ZNF438: variants seen among roughly 807,000 people sequenced by gnomAD.
ZNF438 encodes zinc finger protein 438.
ZNF438 carries 25 observed loss-of-function variants against 38.0 expected under a neutral mutation model. The observed-to-expected ratio is 0.66, with a 90% confidence interval of 0.48 to 0.92. ZNF438 has a LOEUF of 0.92. Ranked by LOEUF, ZNF438 falls within the 40% of genes least tolerant of loss-of-function variation. ZNF438 has a pLI of 0.00. For synonymous variants in ZNF438, 372 were observed against 364.1 expected, an observed-to-expected ratio of 1.02 and a Z score of -0.25; for missense variants, 1,007 against 999.6, an observed-to-expected ratio of 1.01 and a Z score of -0.10.
Position 30,845,293 on chromosome 10 carries a change from C to A in ZNF438, c.2155G>T (p.Glu719Ter). 1 of 1,614,098 alleles carries A rather than the reference C, an allele frequency of 6.2e-7. No homozygotes were observed. The highest frequency in any genetic ancestry group is 8.5e-7 in the Non-Finnish European group (1 of 1,180,008). Residue 719 changes from glutamate (E) to a stop codon, truncating the protein, a stop_gained, in exon 6 of 6, where the codon GAA becomes TAA. Coordinates refer to ENST00000413025, the Ensembl canonical transcript of ZNF438. LOFTEE classifies it low-confidence loss of function (END_TRUNC). ...TTCAGTCTTGGACATGCATGTGATT[C>A]CTCGGAGGAGGAATGAACCTTCTCC...
At chr10:30,995,557 A>C (rs2053959177) in intron 1 of ZNF438, among the ~76,000 whole-genome samples, 1 of 152,218 alleles carries the variant, frequency 6.6e-6, no homozygotes, top group African/African-American at 2.4e-5. Flanking sequence ...TGGAAGCCCC[A>C]AAAAACAAAG....
At chr10:30,955,900 C>T (rs1413102203) in intron 1 of ZNF438, among the ~76,000 whole-genome samples, 3 of 152,138 alleles carry the variant, frequency 2.0e-5, no homozygotes, top group African/African-American at 4.8e-5. Context: ...GAAACCTGAA[C>T]CTAGTGATTT....
chr10:30,925,237 C>T (rs2044777875), intron 2 of ZNF438, among the ~76,000 whole-genome samples: 1 of 151,540 alleles, frequency 6.6e-6, no homozygotes, highest in African/African-American at 2.4e-5. Context: ...ATCTCTGACA[C>T]AATATTGAAC....
chr10:30,973,316 T>C (rs2050955873), intron 1 of ZNF438, among the ~76,000 whole-genome samples: 2 of 152,214 alleles, frequency 1.3e-5, no homozygotes, highest in South Asian at 4.1e-4. Context: ...CTCAATCTTC[T>C]CTGCCTTACT....
At chr10:30,845,222 T>G in exon 6 of ZNF438, 1 of 1,614,128 alleles carries the variant, frequency 6.2e-7, no homozygotes, top group Non-Finnish European at 8.5e-7. Flanking sequence ...GTCCTTCATT[T>G]TCCATGAGCA....
At chr10:30,997,027 G>A (rs989764664) in intron 1 of ZNF438, among the ~76,000 whole-genome samples, 1 of 151,968 alleles carries the variant, frequency 6.6e-6, no homozygotes, top group African/African-American at 2.4e-5. Context: ...AAAATTTATT[G>A]GATACAGCTA....
At chr10:30,926,410 G>A (rs2044924030) in intron 2 of ZNF438, among the ~76,000 whole-genome samples, 1 of 152,196 alleles carries the variant, frequency 6.6e-6, no homozygotes. Flanking sequence ...GCTCACATCT[G>A]TAATCCCAGC....
intron 2 of ZNF438, among the ~76,000 whole-genome samples, chr10:30,913,412 C>T (rs1400684451): frequency 1.3e-5 from 2 of 151,962 alleles, no homozygotes; most frequent in African/African-American, 2.4e-5. Context: ...CCTTTCTTTT[C>T]TCTGTTTAAA....
chr10:30,946,988 T>C (rs2047487776), intron 1 of ZNF438, among the ~76,000 whole-genome samples: 1 of 152,224 alleles, frequency 6.6e-6, no homozygotes, highest in Admixed American at 6.5e-5. Flanking sequence ...TATAAAAACT[T>C]TGTAATAAAA....
chr10:30,866,752 T>G, intron 4 of ZNF438, among the ~76,000 whole-genome samples: 1 of 151,912 alleles, frequency 6.6e-6, no homozygotes, highest in African/African-American at 2.4e-5. Flanking sequence ...GAGAATGGCA[T>G]GAACCTGGGA....
chr10:30,870,816 A>G (rs2037288830), intron 4 of ZNF438, among the ~76,000 whole-genome samples: 1 of 152,194 alleles, frequency 6.6e-6, no homozygotes, highest in Admixed American at 6.5e-5. Context: ...TATAAACACT[A>G]CAAATAATGA....
intron 1 of ZNF438, among the ~76,000 whole-genome samples, chr10:31,003,305 C>T (rs536522054): frequency 6.6e-6 from 1 of 152,120 alleles, no homozygotes; most frequent in Non-Finnish European, 1.5e-5. Flanking sequence ...ACCCTGCCAC[C>T]CAGTACATGT....
chr10:30,870,796 C>A (rs2037285427), intron 4 of ZNF438, among the ~76,000 whole-genome samples: 1 of 152,128 alleles, frequency 6.6e-6, no homozygotes, highest in African/African-American at 2.4e-5. Context: ...TTCCTAATAG[C>A]CTTCTAGAAT....
chr10:30,922,789 T>G (rs1169246396), intron 2 of ZNF438, among the ~76,000 whole-genome samples: 7 of 151,500 alleles, frequency 4.6e-5, no homozygotes, highest in Admixed American at 2.6e-4. Flanking sequence ...GTGCCAAGAT[T>G]GTGCCACTGC....
At chr10:31,017,865 A>C (rs1377832979) in intron 1 of ZNF438, among the ~76,000 whole-genome samples, 1 of 152,220 alleles carries the variant, frequency 6.6e-6, no homozygotes, top group Non-Finnish European at 1.5e-5. Context: ...TGGTTCTGCC[A>C]TATCTCTTTT....
intron 2 of ZNF438, chr10:30,921,265 C>T (rs946987807): frequency 6.6e-6 from 1 of 152,104 alleles, no homozygotes; most frequent in African/African-American, 2.4e-5. Flanking sequence ...TACCTTTCAA[C>T]GTCAAGTAAA....
At chr10:31,003,746 G>A (rs1274784011) in intron 1 of ZNF438, among the ~76,000 whole-genome samples, 2 of 152,084 alleles carry the variant, frequency 1.3e-5, no homozygotes, top group African/African-American at 4.8e-5. Context: ...AGTCTTCCAA[G>A]TCATAGTCTA....
At chr10:30,878,948 C>T (rs927766071) in intron 3 of ZNF438, among the ~76,000 whole-genome samples, 3 of 152,226 alleles carry the variant, frequency 2.0e-5, no homozygotes, top group South Asian at 2.1e-4. Flanking sequence ...AACTGATCCC[C>T]GAGAGCCAGG....
chr10:30,900,225 G>T (rs925408408), intron 3 of ZNF438, among the ~76,000 whole-genome samples: 1 of 151,462 alleles, frequency 6.6e-6, no homozygotes, highest in Non-Finnish European at 1.5e-5. Context: ...ATCATCCTTT[G>T]TTTTTTTTCA....
Sources: allele counts gnomAD v4.1 joint callset (sites outside exome capture counted in the v4.1 genomes callset), GRCh38; gene constraint gnomAD v4.1.1; transcripts MANE v1.5; gene names NCBI Gene and HGNC (gene_info 2026-07-23, HGNC 2026-07-21).